Variants in GNAQ observed in about 807,000 individuals in gnomAD.
GNAQ encodes guanine nucleotide-binding protein G(q) subunit alpha.
Under a neutral mutation model 43.9 loss-of-function variants are expected in GNAQ, and 8 were observed. The observed-to-expected ratio is 0.18, with a 90% CI of 0.11 to 0.33. GNAQ has a LOEUF of 0.33. Ranked by LOEUF, GNAQ falls within the 10% of genes least tolerant of loss-of-function variation. The pLI is 1.00. For missense variants in GNAQ, 158 were observed against 450.8 expected, an observed-to-expected ratio of 0.35 and a Z score of 5.88; for synonymous variants, 155 against 170.7, an observed-to-expected ratio of 0.91 and a Z score of 0.71.
chr9:77,890,651 AG>A (rs1377199154), intron 2 of GNAQ, among the ~76,000 whole-genome samples: 1 of 151,258 alleles, frequency 6.6e-6, no homozygotes, highest in Admixed American at 6.6e-5. Context: ...TGAACCCAGG[AG>A]GCGGAGGTTG....
At chr9:77,983,963 CGTT>C (rs1416016140) in intron 1 of GNAQ, among the ~76,000 whole-genome samples, 4 of 143,690 alleles carry the variant, frequency 2.8e-5, no homozygotes, top group African/African-American at 1.0e-4. Context: ...AGATCTAACA[CGTT>C]GTGCTTTTAT....
intron 5 of GNAQ, among the ~76,000 whole-genome samples, chr9:77,755,962 G>A (rs1825896970): frequency 6.6e-6 from 1 of 152,160 alleles, no homozygotes; most frequent in Admixed American, 6.5e-5. Flanking sequence ...GGGAAAGGCA[G>A]ACCCTTCCTC....
intron 1 of GNAQ, among the ~76,000 whole-genome samples, chr9:77,973,965 T>C (rs1172022458): frequency 6.6e-6 from 1 of 152,194 alleles, no homozygotes; most frequent in African/African-American, 2.4e-5. Context: ...TGGTGAATAC[T>C]ATATACTTAG....
At chr9:77,807,462 C>T (rs1716195891) in intron 3 of GNAQ, among the ~76,000 whole-genome samples, 1 of 152,186 alleles carries the variant, frequency 6.6e-6, no homozygotes, top group Non-Finnish European at 1.5e-5. Context: ...AATCCTTGCA[C>T]TCAGAAGCCA....
rs760629825 is a variant in GNAQ at position 77,794,505 on chromosome 9, C to T, written c.693G>A (p.Ala231=). 6.9e-6 allele frequency: 11 copies of T among 1,602,232 alleles called. No homozygotes were observed. Among genetic ancestry groups the T allele is most frequent in the African/African-American group, 4.0e-5 (3 of 74,680 alleles). ...ENVTSIMFLV[A]LSEYDQVLVE... ...CGAGAACTTGATCATATTCACTAAG[C>T]GCTACTAGAAACATGATAGAGGTGA... The change falls in exon 5 of 7, where the codon GCG becomes GCA. Residue 231 remains alanine, a synonymous_variant. Transcript: ENST00000286548.
intron 5 of GNAQ, among the ~76,000 whole-genome samples, chr9:77,788,312 G>A (rs928183962): frequency 1.3e-5 from 2 of 152,124 alleles, no homozygotes; most frequent in African/African-American, 2.4e-5. Context: ...ACGTAATAGA[G>A]TGACATGGTA....
At chr9:77,754,504 T>A (rs1458438859) in intron 5 of GNAQ, among the ~76,000 whole-genome samples, 1 of 152,230 alleles carries the variant, frequency 6.6e-6, no homozygotes, top group African/African-American at 2.4e-5. Context: ...AAAAAGGCAT[T>A]TATGAGCTGC....
intron 1 of GNAQ, among the ~76,000 whole-genome samples, chr9:77,989,697 CCACTGGA>C: frequency 6.6e-6 from 1 of 152,350 alleles, no homozygotes; most frequent in South Asian, 2.1e-4. Flanking sequence ...GCCTTCCCTA[CCACTGGA>C]CTGCTCCATA....
intron 5 of GNAQ, among the ~76,000 whole-genome samples, chr9:77,760,110 T>C (rs1237615125): frequency 1.3e-5 from 2 of 151,172 alleles, no homozygotes; most frequent in Admixed American, 1.3e-4. Flanking sequence ...AATATAAAAT[T>C]AATTATTTTA....
chr9:77,757,941 C>A (rs901473631), intron 5 of GNAQ, among the ~76,000 whole-genome samples: 1 of 152,196 alleles, frequency 6.6e-6, no homozygotes, highest in Non-Finnish European at 1.5e-5. Context: ...AATTTTAAAG[C>A]CTGCTAAATC....
At chr9:77,957,309 T>G (rs1823053399) in intron 1 of GNAQ, among the ~76,000 whole-genome samples, 1 of 151,990 alleles carries the variant, frequency 6.6e-6, no homozygotes, top group Admixed American at 6.6e-5. Flanking sequence ...TGAGCTGAGA[T>G]TCCGCCATTG....
intron 3 of GNAQ, among the ~76,000 whole-genome samples, chr9:77,808,757 G>A (rs35833013): frequency 0.02 from 2,983 of 152,160 alleles, 47 homozygotes; most frequent in Non-Finnish European, 0.031. Context: ...CTTAGTCAAT[G>A]CCCCCGAGGT....
intron 2 of GNAQ, among the ~76,000 whole-genome samples, chr9:77,817,729 AC>A (rs1478904324): frequency 6.6e-6 from 1 of 152,198 alleles, no homozygotes; most frequent in Non-Finnish European, 1.5e-5. Context: ...ACAAGAACTT[AC>A]TATGTCACAC....
intron 1 of GNAQ, among the ~76,000 whole-genome samples, chr9:77,986,375 C>T (rs957182126): frequency 6.6e-6 from 1 of 152,140 alleles, no homozygotes; most frequent in South Asian, 2.1e-4. Flanking sequence ...GCTAATGAAA[C>T]CAAAATAATC....
intron 1 of GNAQ, among the ~76,000 whole-genome samples, chr9:77,926,632 A>G (rs1170590909): frequency 6.6e-6 from 1 of 152,184 alleles, no homozygotes; most frequent in Non-Finnish European, 1.5e-5. Context: ...ATTTAAATAT[A>G]TCTCCAATCA....
chr9:77,888,505 T>C (rs1284161501), intron 2 of GNAQ, among the ~76,000 whole-genome samples: 1 of 152,208 alleles, frequency 6.6e-6, no homozygotes, highest in Non-Finnish European at 1.5e-5. Flanking sequence ...AGTGGCTTGC[T>C]ATAAGAGTGA....
chr9:77,814,531 G>C (rs1039438430), intron 3 of GNAQ, among the ~76,000 whole-genome samples: 2 of 152,188 alleles, frequency 1.3e-5, no homozygotes, highest in African/African-American at 4.8e-5. Context: ...GAAATAGTTT[G>C]ATCAGGCAAC....
intron 5 of GNAQ, among the ~76,000 whole-genome samples, chr9:77,791,305 G>C (rs1301485993): frequency 6.6e-6 from 1 of 152,140 alleles, no homozygotes; most frequent in Non-Finnish European, 1.5e-5. Context: ...AAGATTAAAA[G>C]GCAGTGTTTG....
intron 5 of GNAQ, among the ~76,000 whole-genome samples, chr9:77,789,759 A>C (rs1275420980): frequency 1.3e-5 from 2 of 152,198 alleles, no homozygotes; most frequent in Non-Finnish European, 2.9e-5. Context: ...ATACTGTATA[A>C]ATTCAATGTA....
Sources: gnomAD v4.1 joint callset for allele counts (sites outside exome capture counted in the v4.1 genomes callset) on GRCh38, gnomAD v4.1.1 for gene constraint, MANE v1.5 for transcripts, NCBI Gene and HGNC (gene_info 2026-07-23, HGNC 2026-07-21) for gene names.